Variants in CDK19 observed in about 807,000 individuals in gnomAD.
CDK19 encodes cyclin dependent kinase 19, also known as cyclin-dependent kinase 19.
CDK19 carries 20 observed loss-of-function variants against 68.3 expected under a neutral mutation model. The ratio of observed to expected loss-of-function variants is 0.29; its 90% CI spans 0.21 to 0.43. CDK19 has a LOEUF of 0.43. CDK19 is among the 20% of genes least tolerant of loss of function. CDK19 has a pLI of 1.00. For missense variants in CDK19, 339 were observed against 623.5 expected, an observed-to-expected ratio of 0.54 and a Z score of 4.86; for synonymous variants, 221 against 222.8, an observed-to-expected ratio of 0.99 and a Z score of 0.07.
rs761769101 is a variant in CDK19 at position 110,621,375 on chromosome 6, T to TA, written c.1111-6dup. 6.5e-7 allele frequency: 1 copy of TA among 1,530,022 alleles called. No individual in the cohort carries two copies. The highest frequency in any genetic ancestry group is 2.3e-5 in the East Asian group (1 of 44,058). The allele number at this position is 1,530,022 out of a possible 1,614,324, so 94.8% of individuals were successfully genotyped here. On this transcript the variant is annotated splice_region_variant and splice_polypyrimidine_tract_variant and intron_variant, in intron 11 of 12. Coordinates refer to ENST00000368911, the MANE Select transcript of CDK19 (RefSeq NM_015076.5). The surrounding 1 kb of genome is among the most constrained non-coding windows in gnomAD (Gnocchi z 5.4). ...GTTCTGCTGCTGTTGCTGATTCTTT[T>TA]AAGGGGAAAAAAGCAAGCTTGGTAT... is the stretch of plus-strand genomic sequence containing the variant.
chr6:110,702,582 G>A (rs988012443), intron 2 of CDK19, among the ~76,000 whole-genome samples: 6 of 152,062 alleles, frequency 3.9e-5, no homozygotes, highest in African/African-American at 1.4e-4. Context: ...AGCCATGATC[G>A]CATCACTGCA....
chr6:110,794,914 A>T (rs1202616995), intron 1 of CDK19, among the ~76,000 whole-genome samples: 1 of 152,162 alleles, frequency 6.6e-6, no homozygotes, highest in Non-Finnish European at 1.5e-5. Flanking sequence ...ATAAAAGTAG[A>T]AAAATGTGGA....
intron 1 of CDK19, among the ~76,000 whole-genome samples, chr6:110,798,600 G>A (rs1175107495): frequency 8.2e-5 from 12 of 146,702 alleles, no homozygotes; most frequent in Non-Finnish European, 1.6e-4. Context: ...ACTCCAGCCT[G>A]GGCAACAAGA....
rs542070955 is a variant in CDK19 at position 110,705,961 on chromosome 6, C to T, written c.205-35420G>A. Among the ~76,000 whole-genome samples the T allele has an allele frequency of 2.1e-4, 31 of 149,986 alleles. No individual in the cohort carries two copies. The East Asian group carries it at 2.3e-3, about 11-fold the overall frequency. On this transcript the variant is annotated intron_variant, in intron 2 of 12. Coordinates refer to ENST00000368911, the MANE Select transcript of CDK19 (RefSeq NM_015076.5). ...TGTATACCTATGTAATAAACCTGCA[C>T]GTTCTACACATGTATCCCAGAACTT...
In CDK19 at chr6:110,667,520, G is replaced by T. The variant is rs980853034; in HGVS notation, c.370C>A (p.Pro124Thr). ...AGTAAGGATTTAACCATAGATCTTG[G>T]CAACTGCATGGGCTTTTTATTTGCT... ...SKANKKPMQL[P>T]RSMVKSLLYQ... is the part of the protein sequence containing the mutation. Residue 124 changes from proline (P) to threonine (T), a missense_variant, in exon 4 of 13, where the codon CCA becomes ACA. This residue lies in a region of CDK19 where 120 missense variants were observed against 224.0 expected (regional missense o/e 0.54). Coordinates refer to ENST00000368911, the MANE Select transcript of CDK19 (RefSeq NM_015076.5). 6.3e-7 allele frequency: 1 copy of T among 1,591,446 alleles called. No individual in the cohort carries two copies. Among genetic ancestry groups the T allele is most frequent in the South Asian group, 1.1e-5 (1 of 87,590 alleles).
intron 2 of CDK19, among the ~76,000 whole-genome samples, chr6:110,734,099 T>C (rs1007894203): frequency 1.3e-5 from 2 of 152,060 alleles, no homozygotes; most frequent in African/African-American, 4.8e-5. Context: ...AACCTCCACC[T>C]CCCAGGTTCA....
intron 2 of CDK19, among the ~76,000 whole-genome samples, chr6:110,697,725 G>C (rs1773602485): frequency 6.6e-6 from 1 of 151,262 alleles, no homozygotes; most frequent in African/African-American, 2.4e-5. Flanking sequence ...TAGGCAAAAA[G>C]AACAAAGCTG....
At chr6:110,694,015 C>T (rs570766717) in intron 2 of CDK19, among the ~76,000 whole-genome samples, 6 of 150,964 alleles carry the variant, frequency 4.0e-5, no homozygotes, top group Admixed American at 3.3e-4. Context: ...TCAAAATACA[C>T]CAAAATAGAA....
At chr6:110,622,973 G>A in intron 9 of CDK19, 61 bp from the exon 10 acceptor site, 1 of 1,015,336 alleles carries the variant, frequency 9.8e-7, no homozygotes, top group Non-Finnish European at 1.6e-6. Context: ...TCAACACCTT[G>A]TCTTTTGTAT....
At position 110,669,561 on chromosome 6, in the gene CDK19, A is replaced by G. The variant is rs144931108; in HGVS notation, c.315+870T>C. 4.6e-3 allele frequency among the ~76,000 whole-genome samples: 699 copies of G among 152,266 alleles called. 3 individuals carry two copies. Among genetic ancestry groups the G allele is most frequent in the Middle Eastern group, 0.017 (5 of 294 alleles). ...TTTGAGAGGCCAAAGTAGGAAAATC[A>G]CTTGAGCCCAGGAGTTCAAGACCAG... On this transcript the variant is annotated intron_variant, in intron 3 of 12. Transcript: ENST00000368911.
At chr6:110,803,139 G>C (rs1185768639) in intron 1 of CDK19, among the ~76,000 whole-genome samples, 2 of 152,084 alleles carry the variant, frequency 1.3e-5, no homozygotes, top group Non-Finnish European at 2.9e-5. Context: ...GAGGGCAGTG[G>C]TGCCATCTCG....
chr6:110,785,230 T>C (rs1171245888), intron 1 of CDK19, among the ~76,000 whole-genome samples: 1 of 152,164 alleles, frequency 6.6e-6, no homozygotes, highest in Non-Finnish European at 1.5e-5. Context: ...TCAGTCTCCC[T>C]TCATTAGAGA....
At chr6:110,692,369 T>C (rs975190944) in intron 2 of CDK19, among the ~76,000 whole-genome samples, 4 of 150,296 alleles carry the variant, frequency 2.7e-5, no homozygotes, top group African/African-American at 9.8e-5. Flanking sequence ...AACAATAGAC[T>C]AGAACAAGTA....
At chr6:110,724,490 G>A (rs976859416) in intron 2 of CDK19, among the ~76,000 whole-genome samples, 14 of 152,104 alleles carry the variant, frequency 9.2e-5, no homozygotes, top group Non-Finnish European at 1.6e-4. Flanking sequence ...TATGGTTCTC[G>A]GTCTACCTGG....
intron 1 of CDK19, among the ~76,000 whole-genome samples, chr6:110,790,637 T>A (rs1781525078): frequency 6.6e-6 from 1 of 152,144 alleles, no homozygotes; most frequent in South Asian, 2.1e-4. Flanking sequence ...CAGATTCACT[T>A]TGAAATTTTA....
chr6:110,770,756 T>A (rs1207610106), intron 1 of CDK19, among the ~76,000 whole-genome samples: 2 of 152,132 alleles, frequency 1.3e-5, no homozygotes, highest in African/African-American at 4.8e-5. Flanking sequence ...CCTATGAGCC[T>A]GTAAAATCAA....
At chr6:110,725,499 G>T (rs745324452) in intron 2 of CDK19, among the ~76,000 whole-genome samples, 8 of 152,012 alleles carry the variant, frequency 5.3e-5, no homozygotes, top group Non-Finnish European at 8.8e-5. Context: ...AATGCAAAAA[G>T]ATTTAAAATA....
chr6:110,614,527 G>A lies in CDK19; in HGVS notation c.*8C>T. On this transcript the variant is annotated 3_prime_UTR_variant, in exon 13 of 13. Transcript: ENST00000368911. ...TGGGCTGGGCTGGCCTGGCCCAACG[G>A]GAGCTGGTCAGTACCGGTGGGCCTG... 1 of 1,613,134 alleles carries A rather than the reference G, an allele frequency of 6.2e-7. No individual in the cohort carries two copies. The highest frequency in any genetic ancestry group is 1.3e-5 in the African/African-American group (1 of 75,000).
intron 4 of CDK19, among the ~76,000 whole-genome samples, chr6:110,666,807 A>G (rs971281073): frequency 1.3e-5 from 2 of 152,182 alleles, no homozygotes; most frequent in Admixed American, 6.5e-5. Flanking sequence ...AAGAACAAAC[A>G]AAAGAAACTT....
Sources: gnomAD v4.1 joint callset for allele counts (sites outside exome capture counted in the v4.1 genomes callset) on GRCh38, gnomAD v4.1.1 for gene constraint, gnomAD v4.1.1 regional missense constraint, Gnocchi (gnomAD v3.1) non-coding constraint, MANE v1.5 for transcripts, NCBI Gene and HGNC (gene_info 2026-07-23, HGNC 2026-07-21) for gene names.